The following SGCZ variants were observed in gnomAD, a reference collection of about 807,000 sequenced individuals.
SGCZ encodes the protein sarcoglycan zeta.
SGCZ carries 40 observed loss-of-function variants against 41.3 expected under a neutral mutation model. The observed-to-expected ratio is 0.97, with a 90% CI of 0.75 to 1.26. SGCZ has a LOEUF of 1.26. SGCZ is among the 50% of genes most tolerant of loss of function. The probability of loss-of-function intolerance (pLI) is 0.00; values close to 1 mark genes in which losing one functional copy is unlikely to be tolerated. For missense variants in SGCZ, 552 were observed against 369.8 expected (o/e 1.49, Z -4.04); for synonymous variants, 206 against 137.5 (o/e 1.50, Z -3.49).
chr8:15,139,276 G>C (rs1033358020), intron 1 of SGCZ, among the ~76,000 whole-genome samples: 5 of 152,038 alleles, frequency 3.3e-5, no homozygotes, highest in African/African-American at 1.2e-4. Context: ...TCCTTTCTTA[G>C]AGCTTATAAA....
chr8:14,184,113 C>G (rs1039406769), intron 4 of SGCZ, among the ~76,000 whole-genome samples: 3 of 151,990 alleles, frequency 2.0e-5, no homozygotes, highest in African/African-American at 7.2e-5. Context: ...TAAATTTATT[C>G]CACGAGTAAC....
intron 1 of SGCZ, among the ~76,000 whole-genome samples, chr8:15,180,432 C>T (rs1038779642): frequency 2.6e-5 from 4 of 152,104 alleles, no homozygotes; most frequent in Non-Finnish European, 4.4e-5. Context: ...AGTAACATGT[C>T]CTAAAAGGAA....
chr8:14,623,652 G>T (rs1487353601), intron 1 of SGCZ, among the ~76,000 whole-genome samples: 2 of 152,144 alleles, frequency 1.3e-5, no homozygotes, highest in African/African-American at 2.4e-5. Context: ...AGTGGCCAAT[G>T]AGTTATGAAC....
At chr8:14,484,777 A>T (rs1169250420) in intron 2 of SGCZ, among the ~76,000 whole-genome samples, 4 of 152,230 alleles carry the variant, frequency 2.6e-5, no homozygotes, top group Non-Finnish European at 4.4e-5. Flanking sequence ...GATTCACATA[A>T]TACAACTACA....
At chr8:15,126,409 A>G (rs2116962374) in intron 1 of SGCZ, among the ~76,000 whole-genome samples, 1 of 152,318 alleles carries the variant, frequency 6.6e-6, no homozygotes, top group East Asian at 1.9e-4. Context: ...TCATTAATTA[A>G]TTTAGTGACC....
chr8:15,051,921 C>T (rs1804529327), intron 1 of SGCZ, among the ~76,000 whole-genome samples: 1 of 151,996 alleles, frequency 6.6e-6, no homozygotes, highest in South Asian at 2.1e-4. Flanking sequence ...TTGGGCGCGC[C>T]AAAAGACTGG....
At chr8:14,546,866 C>T (rs1385795114) in intron 2 of SGCZ, among the ~76,000 whole-genome samples, 2 of 152,028 alleles carry the variant, frequency 1.3e-5, no homozygotes, top group East Asian at 3.9e-4. Flanking sequence ...AACTATACAA[C>T]CCATGCTTTT....
chr8:14,865,717 G>A (rs989881004), intron 1 of SGCZ, among the ~76,000 whole-genome samples: 5 of 152,084 alleles, frequency 3.3e-5, no homozygotes, highest in Admixed American at 2.6e-4. Flanking sequence ...ACGGAAACAG[G>A]ATAAACTTCT....
chr8:14,951,158 A>G (rs557758814), intron 1 of SGCZ, among the ~76,000 whole-genome samples: 2 of 150,514 alleles, frequency 1.3e-5, no homozygotes, highest in Non-Finnish European at 3.0e-5. Context: ...TTATCACAGA[A>G]TTTGAACTAA....
intron 1 of SGCZ, among the ~76,000 whole-genome samples, chr8:15,066,264 C>T (rs1413721301): frequency 6.7e-6 from 1 of 148,344 alleles, no homozygotes; most frequent in Non-Finnish European, 1.5e-5. Context: ...GCCGAGATTG[C>T]GCCACTGCAG....
intron 2 of SGCZ, among the ~76,000 whole-genome samples, chr8:14,401,585 A>G (rs1328187852): frequency 6.6e-6 from 1 of 150,558 alleles, no homozygotes; most frequent in Non-Finnish European, 1.5e-5. Context: ...ATGATTTCCA[A>G]TTTCATCCAT....
At chr8:14,480,623 C>T (rs1307721731) in intron 2 of SGCZ, among the ~76,000 whole-genome samples, 4 of 152,016 alleles carry the variant, frequency 2.6e-5, no homozygotes, top group East Asian at 1.9e-4. Context: ...TAACAGAGCT[C>T]GGGGCTTGAA....
chr8:14,614,949 T>C (rs1806049122), intron 1 of SGCZ, among the ~76,000 whole-genome samples: 1 of 152,074 alleles, frequency 6.6e-6, no homozygotes, highest in Admixed American at 6.6e-5. Flanking sequence ...TAGTGATAAA[T>C]ACATATCATT....
chr8:14,635,767 G>A (rs1338545000), intron 1 of SGCZ, among the ~76,000 whole-genome samples: 1 of 151,780 alleles, frequency 6.6e-6, no homozygotes, highest in African/African-American at 2.4e-5. Flanking sequence ...CATGCACAGA[G>A]GGTCTTAGAA....
At chr8:14,959,099 T>C (rs1800884116) in intron 1 of SGCZ, among the ~76,000 whole-genome samples, 1 of 152,106 alleles carries the variant, frequency 6.6e-6, no homozygotes, top group Non-Finnish European at 1.5e-5. Flanking sequence ...ATCAACTACA[T>C]ACTTTAGACA....
intron 2 of SGCZ, among the ~76,000 whole-genome samples, chr8:14,441,546 G>A (rs1400333263): frequency 1.3e-5 from 2 of 152,140 alleles, no homozygotes. Context: ...CTGCACTCCA[G>A]CCTGGTGATA....
At chr8:15,125,160 C>T (rs1018789773) in intron 1 of SGCZ, among the ~76,000 whole-genome samples, 1 of 152,066 alleles carries the variant, frequency 6.6e-6, no homozygotes, top group Non-Finnish European at 1.5e-5. Context: ...TTAAAAACTC[C>T]TATCAGTAAA....
intron 2 of SGCZ, among the ~76,000 whole-genome samples, chr8:14,481,288 G>C (rs977669138): frequency 1.3e-5 from 2 of 152,112 alleles, no homozygotes; most frequent in African/African-American, 2.4e-5. Context: ...TAAAATTCCA[G>C]TCCCAAGTGT....
intron 1 of SGCZ, among the ~76,000 whole-genome samples, chr8:14,574,816 C>G (rs201678217): frequency 6.6e-6 from 1 of 152,076 alleles, no homozygotes; most frequent in East Asian, 1.9e-4. Flanking sequence ...AGTAATATTT[C>G]AGGCAAAGAA....
Sources: gnomAD v4.1 joint callset for allele counts (sites outside exome capture counted in the v4.1 genomes callset) on GRCh38, gnomAD v4.1.1 for gene constraint, MANE v1.5 for transcripts, NCBI Gene and HGNC (gene_info 2026-07-23, HGNC 2026-07-21) for gene names.